UTY: variants seen among roughly 807,000 people sequenced by gnomAD.
UTY encodes the protein ubiquitously transcribed tetratricopeptide repeat containing, Y-linked.
A neutral mutation model predicts 32.5 loss-of-function variants in UTY; 12 were observed. The observed-to-expected ratio is 0.37, with a 90% CI of 0.24 to 0.60. The LOEUF is 0.60. UTY is among the 20% of genes least tolerant of loss of function. The pLI, the probability that UTY is intolerant of heterozygous loss-of-function variation, is 0.69. For synonymous variants in UTY, 131 were observed against 103.4 expected (o/e 1.27, Z -1.62); for missense variants, 303 against 299.2 (o/e 1.01, Z -0.09).
intron 8 of UTY, among the ~76,000 whole-genome samples, chrY:13,392,583 G>A: frequency 3.0e-5 from 1 of 33,752 alleles, no homozygotes; most frequent in Non-Finnish European, 7.4e-5. Context: ...GGAGCACAGG[G>A]AGAAGTGAAG....
chrY:13,365,337 G>A (rs759827479), intron 10 of UTY, among the ~76,000 whole-genome samples: 1 of 28,504 alleles, frequency 3.5e-5, no homozygotes, highest in African/African-American at 1.4e-4. Context: ...ACTTAAGCCC[G>A]GGAGGCAGAA....
At chrY:13,272,088 A>T (rs2056334495) in intron 27 of UTY, among the ~76,000 whole-genome samples, 2 of 34,350 alleles carry the variant, frequency 5.8e-5, no homozygotes, top group Non-Finnish European at 1.5e-4. Context: ...TTGTTAAAGT[A>T]GCAATATAAA....
At chrY:13,377,647 G>A (rs2065544396) in intron 8 of UTY, among the ~76,000 whole-genome samples, 1 of 33,285 alleles carries the variant, frequency 3.0e-5, no homozygotes, top group African/African-American at 1.2e-4. Flanking sequence ...GGGACGTGGA[G>A]GTTGCAGTGA....
At chrY:13,336,874 C>T in intron 17 of UTY, among the ~76,000 whole-genome samples, 1 of 33,039 alleles carries the variant, frequency 3.0e-5, no homozygotes. Flanking sequence ...GAAAACTAAA[C>T]AGAAATCTAA....
intron 21 of UTY, among the ~76,000 whole-genome samples, chrY:13,315,861 G>T: frequency 3.2e-5 from 1 of 31,187 alleles, no homozygotes; most frequent in African/African-American, 1.3e-4. Flanking sequence ...ACCTACCTAT[G>T]GCCTGAAGAC....
chrY:13,392,844 C>T, intron 8 of UTY, among the ~76,000 whole-genome samples: 1 of 33,091 alleles, frequency 3.0e-5, no homozygotes. Context: ...ATAAGCTTCC[C>T]CCACCATGAA....
At chrY:13,468,446 C>T (rs2078116800) in intron 3 of UTY, among the ~76,000 whole-genome samples, 2 of 32,377 alleles carry the variant, frequency 6.2e-5, no homozygotes, top group Non-Finnish European at 1.5e-4. Flanking sequence ...GAGGCTGAGG[C>T]GGGCGGATCA....
At chrY:13,463,752 T>C in intron 3 of UTY, among the ~76,000 whole-genome samples, 1 of 34,241 alleles carries the variant, frequency 2.9e-5, no homozygotes, top group South Asian at 6.3e-4. Flanking sequence ...TGATCACTAA[T>C]ATGCTATTCT....
chrY:13,306,585 G>A (rs763478225), intron 21 of UTY, among the ~76,000 whole-genome samples: 48 of 33,488 alleles, frequency 1.4e-3, no homozygotes, highest in Admixed American at 0.013. Flanking sequence ...CATTTAAAAT[G>A]ATATCAAGAG....
chrY:13,308,792 A>G, intron 21 of UTY, among the ~76,000 whole-genome samples: 5 of 33,798 alleles, frequency 1.5e-4, no homozygotes, highest in Non-Finnish European at 2.9e-4. Context: ...AAATGTTCAT[A>G]AACTGATGAC....
At chrY:13,252,293 C>T (rs767240880) in intron 28 of UTY, among the ~76,000 whole-genome samples, 1 of 33,011 alleles carries the variant, frequency 3.0e-5, no homozygotes, top group East Asian at 7.9e-4. Context: ...AGTAACAGTG[C>T]TCTAGCAAGC....
chrY:13,355,619 T>C, intron 16 of UTY: 1 of 350,770 alleles, frequency 2.9e-6, no homozygotes, highest in Non-Finnish European at 3.9e-6. Flanking sequence ...AGATTATAAA[T>C]AATGATTCAA....
chrY:13,299,660 A>G, intron 25 of UTY, among the ~76,000 whole-genome samples: 1 of 32,776 alleles, frequency 3.1e-5, no homozygotes, highest in South Asian at 6.7e-4. Context: ...AAAGCATTGC[A>G]ACATGAATTG....
In UTY at chrY:13,369,305, C is replaced by G; in HGVS notation, c.690G>C (p.Gln230His). Residue 230 changes from glutamine to histidine, a missense_variant, in exon 9 of 30, where the codon CAG becomes CAC. Physicochemically the swap from Gln to His is conservative, Grantham distance 24 (BLOSUM62 0). Coordinates refer to ENST00000545955, the MANE Select transcript of UTY (RefSeq NM_001258249.2). The part of the protein sequence containing the change: ...SAKEAYEQLL[Q>H]TENLPAQVKA... ...TTACTTGTGCAGGAAGGTTTTCTGT[C>G]TGCAAAAGTTGTTCATATGCCTCCT... The G allele has an allele frequency of 2.7e-6, 1 of 367,862 alleles. No homozygotes were observed. The highest frequency in any genetic ancestry group is 3.7e-6 in the Non-Finnish European group (1 of 267,682). The allele number at this position is 367,862 out of a possible 400,897, so 91.8% of individuals were successfully genotyped here. A position where few individuals can be genotyped will look rare whatever the true frequency, so the allele number is the denominator to read the frequency against.
At chrY:13,409,657 T>G (rs2149654129) in intron 6 of UTY, among the ~76,000 whole-genome samples, 2 of 33,544 alleles carry the variant, frequency 6.0e-5, no homozygotes, top group East Asian at 1.6e-3. Context: ...TTTATTTATC[T>G]GGGGTTTTGG....
At chrY:13,259,698 T>C in intron 28 of UTY, among the ~76,000 whole-genome samples, 1 of 34,407 alleles carries the variant, frequency 2.9e-5, no homozygotes, top group Non-Finnish European at 7.2e-5. Context: ...GTTTGTGTGC[T>C]TGCAAGGAGA....
At chrY:13,297,394 T>G (rs564613549) in intron 27 of UTY, 4,108 of 75,073 alleles carry the variant, frequency 0.055, no homozygotes, top group East Asian at 0.035. Context: ...CAAGTTGTCC[T>G]GGGAAATCAG....
chrY:13,467,225 C>A (rs2077995406), intron 3 of UTY, among the ~76,000 whole-genome samples: 1 of 33,912 alleles, frequency 2.9e-5, no homozygotes, highest in Non-Finnish European at 7.3e-5. Flanking sequence ...TCTTTTCATG[C>A]CAATATTGAC....
chrY:13,293,560 G>C (rs2057867751), intron 27 of UTY, among the ~76,000 whole-genome samples: 1 of 33,141 alleles, frequency 3.0e-5, no homozygotes. Context: ...CTCGTTATCT[G>C]CCCACCTTGG....
Sources: allele counts gnomAD v4.1 joint callset (sites outside exome capture counted in the v4.1 genomes callset), GRCh38; gene constraint gnomAD v4.1.1; transcripts MANE v1.5; gene names NCBI Gene and HGNC (gene_info 2026-07-23, HGNC 2026-07-21).